Variants in SRGAP1 observed in about 807,000 individuals in gnomAD.
SRGAP1 encodes the protein SLIT-ROBO Rho GTPase-activating protein 1.
Under a neutral mutation model 121.9 loss-of-function variants are expected in SRGAP1, and 43 were observed. The ratio of observed to expected loss-of-function variants is 0.35; its 90% CI spans 0.28 to 0.46. The LOEUF (loss-of-function observed/expected upper bound fraction) is 0.46. Among genes scored for constraint, SRGAP1 ranks in the 20% least tolerant of loss-of-function variants. The pLI is 1.00. For missense variants in SRGAP1, 1,102 were observed against 1,350.9 expected (o/e 0.82, Z 2.89); for synonymous variants, 447 against 485.4 (o/e 0.92, Z 1.04).
At chr12:63,981,075 T>C (rs1251326862) in intron 1 of SRGAP1, among the ~76,000 whole-genome samples, 1 of 152,208 alleles carries the variant, frequency 6.6e-6, no homozygotes, top group African/African-American at 2.4e-5. Flanking sequence ...TCCTTACATG[T>C]TTCCTGTTAT....
chr12:64,073,578 C>G (rs943558532), intron 8 of SRGAP1, among the ~76,000 whole-genome samples: 1 of 152,126 alleles, frequency 6.6e-6, no homozygotes, highest in Non-Finnish European at 1.5e-5. Context: ...TGCACATAAC[C>G]TACACACATT....
At chr12:63,967,176 C>A (rs1013452939) in intron 1 of SRGAP1, among the ~76,000 whole-genome samples, 1 of 152,210 alleles carries the variant, frequency 6.6e-6, no homozygotes, top group South Asian at 2.1e-4. Context: ...TGTGGTAGCT[C>A]ATTCCTGTAA....
At chr12:63,957,707 C>G (rs139344430) in intron 1 of SRGAP1, among the ~76,000 whole-genome samples, 1 of 152,060 alleles carries the variant, frequency 6.6e-6, no homozygotes, top group African/African-American at 2.4e-5. Context: ...ACATACGGGC[C>G]GATAGAGGCA....
chr12:64,110,232 C>G (rs529368209), intron 16 of SRGAP1, among the ~76,000 whole-genome samples: 1 of 152,300 alleles, frequency 6.6e-6, no homozygotes, highest in African/African-American at 2.4e-5. Flanking sequence ...CTGGCCCCCT[C>G]CATACCATTC....
intron 1 of SRGAP1, among the ~76,000 whole-genome samples, chr12:63,948,497 C>T (rs937007072): frequency 2.0e-5 from 3 of 152,134 alleles, no homozygotes; most frequent in African/African-American, 7.2e-5. Flanking sequence ...CCCATTCCTA[C>T]CTTTCTTCTT....
At chr12:63,971,145 C>G (rs956285675) in intron 1 of SRGAP1, among the ~76,000 whole-genome samples, 1 of 152,190 alleles carries the variant, frequency 6.6e-6, no homozygotes, top group African/African-American at 2.4e-5. Context: ...TTGCTGATAG[C>G]TCCAGTGTCA....
At chr12:63,868,373 G>A (rs751376259) in intron 1 of SRGAP1, among the ~76,000 whole-genome samples, 10 of 151,946 alleles carry the variant, frequency 6.6e-5, no homozygotes, top group Admixed American at 1.3e-4. Context: ...GTGAGCCACC[G>A]CGCCTGGCTG....
intron 1 of SRGAP1, among the ~76,000 whole-genome samples, chr12:63,894,318 G>C (rs1050597742): frequency 2.0e-5 from 3 of 151,906 alleles, no homozygotes; most frequent in Non-Finnish European, 4.4e-5. Flanking sequence ...GGTAACATTT[G>C]TGCTGCTGCT....
intron 21 of SRGAP1, among the ~76,000 whole-genome samples, chr12:64,131,761 G>A (rs2036788113): frequency 6.6e-6 from 1 of 152,188 alleles, no homozygotes; most frequent in Non-Finnish European, 1.5e-5. Context: ...TTTATGGCTA[G>A]ATGTGTCAGA....
intron 4 of SRGAP1, among the ~76,000 whole-genome samples, chr12:64,037,694 G>T (rs905790354): frequency 2.0e-5 from 3 of 152,060 alleles, no homozygotes; most frequent in Admixed American, 1.3e-4. Context: ...GTGCTTTCCC[G>T]CATCCCTGCC....
intron 1 of SRGAP1, among the ~76,000 whole-genome samples, chr12:63,921,447 TCTC>T (rs1198889572): frequency 2.6e-5 from 4 of 152,330 alleles, no homozygotes; most frequent in Non-Finnish European, 5.9e-5. Context: ...GCTATTTTCT[TCTC>T]TCTGGGCATC....
chr12:64,147,698 GT>G lies in SRGAP1; in HGVS notation c.*5030del. ...TTTACAGTCTGGAAAGAAAAAAAAT[GT>G]TTTGTTAATCTGTTGTGACAATGCA... On this transcript the variant is annotated 3_prime_UTR_variant, in exon 22 of 22. Coordinates refer to ENST00000355086, the MANE Select transcript of SRGAP1 (RefSeq NM_020762.4). 2.5e-6 allele frequency: 1 copy of G among 398,578 alleles called. No homozygotes were observed. The highest frequency in any genetic ancestry group is 4.4e-6 in the Non-Finnish European group (1 of 226,070). The allele number at this position is 398,578 out of a possible 1,614,324, so 24.7% of individuals were successfully genotyped here.
chr12:63,921,592 A>G (rs1565951264), intron 1 of SRGAP1, among the ~76,000 whole-genome samples: 2 of 152,282 alleles, frequency 1.3e-5, no homozygotes, highest in South Asian at 4.1e-4. Flanking sequence ...AAAGCCACTC[A>G]CAACCCCTGC....
intron 1 of SRGAP1, among the ~76,000 whole-genome samples, chr12:63,890,395 G>A (rs754253896): frequency 9.2e-5 from 14 of 152,298 alleles, no homozygotes; most frequent in Middle Eastern, 3.4e-3. Flanking sequence ...CATGCCATTC[G>A]CTGCAGTGGG....
chr12:63,890,325 G>A (rs1309209321), intron 1 of SRGAP1, among the ~76,000 whole-genome samples: 4 of 152,194 alleles, frequency 2.6e-5, no homozygotes, highest in East Asian at 1.9e-4. Context: ...TAGTGAGGGT[G>A]TAGGTGAGTG....
chr12:63,925,947 A>G (rs1209565050), intron 1 of SRGAP1, among the ~76,000 whole-genome samples: 5 of 152,218 alleles, frequency 3.3e-5, no homozygotes, highest in Non-Finnish European at 7.3e-5. Flanking sequence ...TAAGCCTAGA[A>G]TGAAAACCTT....
At chr12:64,035,353 A>G (rs955719436) in intron 4 of SRGAP1, among the ~76,000 whole-genome samples, 1 of 152,080 alleles carries the variant, frequency 6.6e-6, no homozygotes, top group African/African-American at 2.4e-5. Context: ...ACCTCTGCAT[A>G]TATCCACTTC....
chr12:63,899,233 T>G (rs996862657), intron 1 of SRGAP1, among the ~76,000 whole-genome samples: 1 of 151,838 alleles, frequency 6.6e-6, no homozygotes, highest in African/African-American at 2.4e-5. Flanking sequence ...AATACAAAAA[T>G]TAGCTAGGTG....
Position 64,160,781 on chromosome 12 carries a change from G to A in SRGAP1, c.*18109G>A, listed in dbSNP as rs137952253. 1.0e-3 allele frequency: 155 copies of A among 152,286 alleles called. No individual in the cohort carries two copies. The highest frequency in any genetic ancestry group is 3.6e-3 in the African/African-American group (149 of 41,560). 9.4% of individuals were successfully genotyped at this position (152,286 alleles called of 1,614,324 possible). On this transcript the variant is annotated 3_prime_UTR_variant, in exon 22 of 22. Coordinates refer to ENST00000355086, the MANE Select transcript of SRGAP1 (RefSeq NM_020762.4). ...AAGAATGAGGTGGCAGAAAGAGGTA[G>A]AAACAGCATGAAAAGGCAGAGCCAA...
Sources: gnomAD v4.1 joint callset for allele counts (sites outside exome capture counted in the v4.1 genomes callset) on GRCh38, gnomAD v4.1.1 for gene constraint, MANE v1.5 for transcripts, NCBI Gene and HGNC (gene_info 2026-07-23, HGNC 2026-07-21) for gene names.